Variants in SPTBN1 observed in about 807,000 individuals in gnomAD.
SPTBN1 encodes the protein spectrin beta, non-erythrocytic 1.
SPTBN1 carries 32 observed loss-of-function variants against 266.4 expected under a neutral mutation model. The ratio of observed to expected loss-of-function variants is 0.12; its 90% CI spans 0.09 to 0.16. SPTBN1 has a LOEUF of 0.16. Among genes scored for constraint, SPTBN1 ranks in the 10% least tolerant of loss-of-function variants. The probability of loss-of-function intolerance (pLI) is 1.00; values close to 1 mark genes in which losing one functional copy is unlikely to be tolerated. For missense variants in SPTBN1, 2,296 were observed against 3,067.1 expected, an observed-to-expected ratio of 0.75 and a Z score of 5.94; for synonymous variants, 1,336 against 1,162.2, an observed-to-expected ratio of 1.15 and a Z score of -3.04.
chr2:54,504,487 CA>C (rs1160097461), intron 1 of SPTBN1, among the ~76,000 whole-genome samples: 1 of 152,138 alleles, frequency 6.6e-6, no homozygotes, highest in Non-Finnish European at 1.5e-5. Flanking sequence ...AAAAAAAATC[CA>C]CAAAGTTCGA....
chr2:54,668,219 T>C, intron 35 of SPTBN1, 132 bp from the exon 36 acceptor site: 1 of 774,568 alleles, frequency 1.3e-6, no homozygotes, highest in Non-Finnish European at 2.1e-6. Context: ...CAGAGGTGCA[T>C]TTGGGGACAG....
intron 1 of SPTBN1, 72 bp downstream of exon 1, chr2:54,456,590 G>C (rs1339544579): frequency 1.3e-5 from 2 of 151,566 alleles, no homozygotes; most frequent in African/African-American, 2.4e-5. Flanking sequence ...CCGCGGCGGC[G>C]GACGGGCGGG....
chr2:54,465,668 A>ATATATATATATC (rs1553427354), intron 1 of SPTBN1, among the ~76,000 whole-genome samples: 6 of 137,956 alleles, frequency 4.3e-5, no homozygotes, highest in Non-Finnish European at 6.4e-5. Context: ...ATATATATAT[A>ATATATATATATC]TCTCACACAT....
Position 54,645,034 on chromosome 2 carries a change from C to T in SPTBN1, c.4270-195C>T, listed in dbSNP as rs1679826877. ...ATATCACCGTAGAGGGCTTTAAGGGCAAATGAATTTACCTCAGATTTACTT... is the reference window on the plus strand; with the variant it reads ...ATATCACCGTAGAGGGCTTTAAGGGTAAATGAATTTACCTCAGATTTACTT... On this transcript the variant is annotated intron_variant, in intron 20 of 35. Coordinates refer to ENST00000356805, the MANE Select transcript of SPTBN1 (RefSeq NM_003128.3). The surrounding 1 kb of genome is among the most constrained non-coding windows in gnomAD (Gnocchi z 4.3). The T allele has an allele frequency of 1.7e-6, 1 of 605,248 alleles. No individual in the cohort carries two copies. The highest frequency in any genetic ancestry group is 2.9e-6 in the Non-Finnish European group (1 of 345,020). 37.5% of individuals were successfully genotyped at this position (605,248 alleles called of 1,614,324 possible).
chr2:54,631,870 A>T (rs1262792166), intron 16 of SPTBN1, among the ~76,000 whole-genome samples: 2 of 152,036 alleles, frequency 1.3e-5, no homozygotes, highest in Admixed American at 6.6e-5. Context: ...AGGATCTCTT[A>T]TGTGTTCATA....
chr2:54,557,893 T>C, intron 2 of SPTBN1: 1 of 985,326 alleles, frequency 1.0e-6, no homozygotes, highest in Non-Finnish European at 1.2e-6. Flanking sequence ...TTCTTCCCGG[T>C]GGCTCGCCGG....
At position 54,564,755 on chromosome 2, in the gene SPTBN1, T is replaced by C. The variant is rs1228487126; in HGVS notation, c.149-34337T>C. Among the ~76,000 whole-genome samples, 3 of 152,218 alleles carry C rather than the reference T, an allele frequency of 2.0e-5. No homozygotes were observed. In the East Asian group the frequency reaches 5.8e-4, roughly 29 times the overall value. On this transcript the variant is annotated intron_variant, in intron 2 of 35. Transcript: ENST00000356805. ...AGGTTGGGGAGGTCAACATCCCTGC[T>C]TGGACTCCCTTCCTTTTAAGATTTG...
At chr2:54,591,190 G>A (rs1420147269) in intron 2 of SPTBN1, among the ~76,000 whole-genome samples, 1 of 152,150 alleles carries the variant, frequency 6.6e-6, no homozygotes, top group East Asian at 1.9e-4. Context: ...AGAGTTCTAG[G>A]TAAAGTATGC....
Position 54,604,354 on chromosome 2 carries a change from T to C in SPTBN1, c.300+5111T>C, listed in dbSNP as rs148541492. 1.1e-3 allele frequency among the ~76,000 whole-genome samples: 167 copies of C among 152,298 alleles called. 1 individual carries two copies. Among genetic ancestry groups the C allele is most frequent in the African/African-American group, 3.6e-3 (148 of 41,570 alleles). On this transcript the variant is annotated intron_variant, in intron 3 of 35. Coordinates refer to ENST00000356805, the MANE Select transcript of SPTBN1 (RefSeq NM_003128.3). ...CCAAATTAGCTCTCAGAAGCTTTTT[T>C]TTTCTTTCTTTCTTTCTTTTCCTCT...
At chr2:54,539,862 C>CATT (rs60303628) in intron 2 of SPTBN1, among the ~76,000 whole-genome samples, 122,035 of 151,850 alleles carry the variant, frequency 0.8, 49,576 homozygotes, top group African/African-American at 0.94. Flanking sequence ...TTATTGAAAA[C>CATT]ATTATGAGCT....
At chr2:54,496,742 G>A (rs1668990602) in intron 1 of SPTBN1, among the ~76,000 whole-genome samples, 1 of 152,176 alleles carries the variant, frequency 6.6e-6, no homozygotes, top group African/African-American at 2.4e-5. Flanking sequence ...AGTGATCTTA[G>A]AAACTTAATA....
chr2:54,496,986 A>G lies in SPTBN1; in HGVS notation c.-47-29386A>G, dbSNP rs575882608. Among the ~76,000 whole-genome samples the G allele has an allele frequency of 2.2e-3, 341 of 152,384 alleles. 1 individual carries two copies. Among genetic ancestry groups the G allele is most frequent in the Non-Finnish European group, 3.7e-3 (253 of 68,034 alleles). On this transcript the variant is annotated intron_variant, in intron 1 of 35. Coordinates refer to ENST00000356805, the MANE Select transcript of SPTBN1 (RefSeq NM_003128.3). ...TGGTACATCCATATTGTAGAACACC[A>G]TACAGCTATTACATATGATGATATG... is the stretch of plus-strand genomic sequence containing the variant.
chr2:54,495,820 TG>T (rs1242372817), intron 1 of SPTBN1, among the ~76,000 whole-genome samples: 5 of 152,198 alleles, frequency 3.3e-5, no homozygotes, highest in Non-Finnish European at 1.5e-5. Context: ...TTTTTTTGGT[TG>T]TATAATTTTG....
chr2:54,599,282 G>A, intron 3 of SPTBN1, 39 bp downstream of exon 3: 2 of 1,598,684 alleles, frequency 1.3e-6, no homozygotes, highest in Non-Finnish European at 1.7e-6. Flanking sequence ...TGTTGTAGGT[G>A]GAAAATATTT....
chr2:54,588,352 G>GT (rs1466522457), intron 2 of SPTBN1, among the ~76,000 whole-genome samples: 2 of 152,168 alleles, frequency 1.3e-5, no homozygotes, highest in Non-Finnish European at 2.9e-5. Context: ...ATGGTTATGA[G>GT]TTTTTTCTTC....
intron 2 of SPTBN1, among the ~76,000 whole-genome samples, chr2:54,594,833 C>CTTTTTCT (rs1553455348): frequency 9.5e-6 from 1 of 104,716 alleles, no homozygotes; most frequent in African/African-American, 5.1e-5. Flanking sequence ...TGGTAAGTTT[C>CTTTTTCT]TTTTTTTTTT....
intron 2 of SPTBN1, chr2:54,557,801 G>T (rs2104455089): frequency 1.0e-6 from 1 of 985,384 alleles, no homozygotes; most frequent in Non-Finnish European, 1.2e-6. Context: ...GCGTAAGTCA[G>T]CCGAGATTCT....
intron 1 of SPTBN1, among the ~76,000 whole-genome samples, chr2:54,502,598 G>C (rs1226650862): frequency 6.6e-6 from 1 of 152,192 alleles, no homozygotes; most frequent in Admixed American, 6.5e-5. Context: ...TTGTACATCA[G>C]GAAAGGTTAA....
At chr2:54,567,262 A>G (rs1335968000) in intron 2 of SPTBN1, among the ~76,000 whole-genome samples, 1 of 152,208 alleles carries the variant, frequency 6.6e-6, no homozygotes, top group East Asian at 1.9e-4. Flanking sequence ...TAGAAGGATA[A>G]TAAAGGATGC....
Sources: allele counts gnomAD v4.1 joint callset (sites outside exome capture counted in the v4.1 genomes callset), GRCh38; gene constraint gnomAD v4.1.1; non-coding constraint Gnocchi (gnomAD v3.1); transcripts MANE v1.5; gene names NCBI Gene and HGNC (gene_info 2026-07-23, HGNC 2026-07-21).